AGPAT2: variants seen among roughly 807,000 people sequenced by gnomAD.
AGPAT2 encodes the protein 1-acyl-sn-glycerol-3-phosphate acyltransferase beta.
Under a neutral mutation model 26.1 loss-of-function variants are expected in AGPAT2, and 18 were observed. The observed-to-expected ratio is 0.69, with a 90% CI of 0.48 to 1.02. The LOEUF (loss-of-function observed/expected upper bound fraction) is 1.02, where lower values mean the gene tolerates loss of function less well. Among genes scored for constraint, AGPAT2 ranks in the 50% least tolerant of loss-of-function variants. The pLI is 0.00. For missense variants in AGPAT2, 415 were observed against 394.9 expected, an observed-to-expected ratio of 1.05 and a Z score of -0.43; for synonymous variants, 200 against 174.2, an observed-to-expected ratio of 1.15 and a Z score of -1.16.
At chr9:136,676,469 G>A in intron 4 of AGPAT2, 116 bp downstream of exon 4, 1 of 784,486 alleles carries the variant, frequency 1.3e-6, no homozygotes. Context: ...TCAGTGGGAG[G>A]AGTCCCTTGT....
At chr9:136,677,590 C>G in intron 1 of AGPAT2, 34 bp from the exon 2 acceptor site, 1 of 1,612,518 alleles carries the variant, frequency 6.2e-7, no homozygotes, top group South Asian at 1.1e-5. Flanking sequence ...ACGGGTCCCA[C>G]AGATCCCGCA....
intron 5 of AGPAT2, 141 bp from the exon 6 acceptor site, chr9:136,674,068 A>G: frequency 1.3e-6 from 1 of 784,298 alleles, no homozygotes; most frequent in South Asian, 2.3e-5. Flanking sequence ...TGGACTCCCT[A>G]GCCGTGGTGG....
Position 136,687,199 on chromosome 9 carries a change from G to A in AGPAT2, c.159C>T (p.Gly53=). Reference sequence around the variant, plus strand: ...GCCTCATGTTCTCCACCGTCCGGCCGCCGTGGCGCAGCAGGCAGACGAGCG... The same window carrying A: ...GCCTCATGTTCTCCACCGTCCGGCCACCGTGGCGCAGCAGGCAGACGAGCG... ...VASLVCLLRH[G]GRTVENMSII... Residue 53 remains glycine, a synonymous_variant, in exon 1 of 6, where the codon GGC becomes GGT. Transcript: ENST00000371696. The A allele has an allele frequency of 2.5e-6, 4 of 1,587,922 alleles. No homozygotes were observed. The highest frequency in any genetic ancestry group is 3.4e-6 in the Non-Finnish European group (4 of 1,172,206).
chr9:136,683,038 C>T (rs1564294447), intron 1 of AGPAT2, among the ~76,000 whole-genome samples: 2 of 93,148 alleles, frequency 2.1e-5, no homozygotes, highest in African/African-American at 8.5e-5. Context: ...CCTCCACCAA[C>T]AGTGGCTGTG....
In AGPAT2 at chr9:136,677,474, C is replaced by T; in HGVS notation, c.265G>A (p.Ala89Thr). Reference protein sequence around the residue: ...EVRDPRRLQEARPCVIVSNHQ... With the variant: ...EVRDPRRLQETRPCVIVSNHQ... ...TTGGAGACGATGACACAGGGACGGG[C>T]CTCCTGCAGCCTGCGCGGGTCCCGC... The change falls in exon 2 of 6, where the codon GCC becomes ACC. Residue 89 changes from alanine to threonine, a missense_variant. Coordinates refer to ENST00000371696, the MANE Select transcript of AGPAT2 (RefSeq NM_006412.4). The T allele has an allele frequency of 6.2e-7, 1 of 1,613,072 alleles. No individual in the cohort carries two copies. Among genetic ancestry groups the T allele is most frequent in the Non-Finnish European group, 8.5e-7 (1 of 1,179,948 alleles).
rs761378691 is a variant in AGPAT2 at position 136,687,179 on chromosome 9, A to G, written c.179T>C (p.Met60Thr). The change falls in exon 1 of 6, where the codon ATG becomes ACG. Residue 60 changes from methionine (M) to threonine (T), a missense_variant. Transcript: ENST00000371696. Reference sequence around the variant, plus strand: ...TCCCGGCGGCCCCCGGCCTTGCCTCATGTTCTCCACCGTCCGGCCGCCGTG... The same window carrying G: ...TCCCGGCGGCCCCCGGCCTTGCCTCGTGTTCTCCACCGTCCGGCCGCCGTG... Reference protein sequence around the residue: ...LRHGGRTVENMSIIGWFVRSF... With the variant: ...LRHGGRTVENTSIIGWFVRSF... 1.3e-6 allele frequency: 2 copies of G among 1,587,924 alleles called. No individual in the cohort carries two copies. Among genetic ancestry groups the G allele is most frequent in the Non-Finnish European group, 1.7e-6 (2 of 1,172,238 alleles).
chr9:136,681,914 A>G (rs1212211557), intron 1 of AGPAT2, among the ~76,000 whole-genome samples: 2 of 152,122 alleles, frequency 1.3e-5, no homozygotes, highest in Admixed American at 1.3e-4. Flanking sequence ...ATCGCCTTCT[A>G]AGCACAGAGG....
chr9:136,673,675 GA>G lies in AGPAT2; in HGVS notation c.*76del. ...GGACAGAGTGGTATTTGGAAGCCGGGAGGAGTCCCCTCTGCCCATCCTCCAG... is the reference window on the plus strand; with the variant it reads ...GGACAGAGTGGTATTTGGAAGCCGGGGGAGTCCCCTCTGCCCATCCTCCAG... On this transcript the variant is annotated 3_prime_UTR_variant, in exon 6 of 6. Coordinates refer to ENST00000371696, the MANE Select transcript of AGPAT2 (RefSeq NM_006412.4). 7.0e-7 allele frequency: 1 copy of G among 1,419,382 alleles called. No homozygotes were observed. The allele number at this position is 1,419,382 out of a possible 1,614,324, so 87.9% of individuals were successfully genotyped here.
intron 4 of AGPAT2, among the ~76,000 whole-genome samples, chr9:136,675,835 C>A (rs1345934261): frequency 6.7e-6 from 1 of 149,730 alleles, no homozygotes; most frequent in East Asian, 1.9e-4. Context: ...CCCCAGGCCT[C>A]ACGGCCTTAG....
rs1260518080 is a variant in AGPAT2 at position 136,687,290 on chromosome 9, G to A, written c.68C>T (p.Ala23Val). 4.4e-6 allele frequency: 7 copies of A among 1,583,688 alleles called. No individual in the cohort carries two copies. Among genetic ancestry groups the A allele is most frequent in the African/African-American group, 2.8e-5 (2 of 71,404 alleles). ...GGCGACCTTGGCGTAGAACTCGGCC[G>A]CGCGGCTCAGCTGCACCAGCAGCAG... ...LLLLLVQLSR[A>V]AEFYAKVALY... The change falls in exon 1 of 6, where the codon GCG becomes GTG. Residue 23 changes from alanine (A) to valine (V), a missense_variant. Ala to Val is a moderately conservative substitution (Grantham distance 64). Transcript: ENST00000371696.
At chr9:136,682,775 C>T (rs1015298931) in intron 1 of AGPAT2, among the ~76,000 whole-genome samples, 1 of 152,130 alleles carries the variant, frequency 6.6e-6, no homozygotes, top group African/African-American at 2.4e-5. Context: ...TGGCCTCGAG[C>T]GAAGCCCCGT....
At chr9:136,684,937 T>C (rs1846203787) in intron 1 of AGPAT2, among the ~76,000 whole-genome samples, 1 of 152,196 alleles carries the variant, frequency 6.6e-6, no homozygotes, top group Non-Finnish European at 1.5e-5. Flanking sequence ...ACAAAGCGCC[T>C]GCTCTTCATC....
Position 136,687,354 on chromosome 9 carries a change from C to T in AGPAT2, c.4G>A (p.Glu2Lys). 1 of 1,506,364 alleles carries T rather than the reference C, an allele frequency of 6.6e-7. No individual in the cohort carries two copies. Among genetic ancestry groups the T allele is most frequent in the South Asian group, 1.2e-5 (1 of 80,592 alleles). 93.3% of individuals were successfully genotyped at this position (1,506,364 alleles called of 1,614,324 possible). M[E>K]LWPCLAAALL... ...GCCGCGGCCAGACACGGCCACAGCT[C>T]CATGGCCCGGCCCGGCGCCCGACGG... The change falls in exon 1 of 6, where the codon GAG becomes AAG. Residue 2 changes from glutamate (E) to lysine (K), a missense_variant. Transcript: ENST00000371696.
chr9:136,678,519 G>C (rs371730750), intron 1 of AGPAT2, among the ~76,000 whole-genome samples: 2 of 152,182 alleles, frequency 1.3e-5, no homozygotes, highest in South Asian at 4.1e-4. Context: ...GCTCCAGCAG[G>C]GGTGGATGGC....
At chr9:136,678,198 C>T (rs1470592508) in intron 1 of AGPAT2, among the ~76,000 whole-genome samples, 1 of 152,170 alleles carries the variant, frequency 6.6e-6, no homozygotes, top group Non-Finnish European at 1.5e-5. Context: ...GAGGTCACAC[C>T]AGGAGCAGCA....
Position 136,673,661 on chromosome 9 carries a change from T to C in AGPAT2, c.*91A>G, listed in dbSNP as rs1846041788. The C allele has an allele frequency of 1.9e-5, 25 of 1,349,524 alleles. No individual in the cohort carries two copies. The highest frequency in any genetic ancestry group is 2.5e-5 in the Non-Finnish European group (25 of 1,008,834). The allele number at this position is 1,349,524 out of a possible 1,614,324, so 83.6% of individuals were successfully genotyped here. Reference sequence around the variant, plus strand: ...GAGCTGGGGGAGCCGGACAGAGTGGTATTTGGAAGCCGGGAGGAGTCCCCT... The same window carrying C: ...GAGCTGGGGGAGCCGGACAGAGTGGCATTTGGAAGCCGGGAGGAGTCCCCT... On this transcript the variant is annotated 3_prime_UTR_variant, in exon 6 of 6. Coordinates refer to ENST00000371696, the MANE Select transcript of AGPAT2 (RefSeq NM_006412.4).
chr9:136,687,144 CCCCGGCCCCT>C, intron 1 of AGPAT2, 22 bp downstream of exon 1: 1 of 1,566,126 alleles, frequency 6.4e-7, no homozygotes, highest in Middle Eastern at 1.8e-4. Context: ...CGCGGCGGTT[CCCCGGCCCCT>C]CCCGGCGGCC....
chr9:136,679,592 C>T (rs1777797181), intron 1 of AGPAT2, among the ~76,000 whole-genome samples: 1 of 152,194 alleles, frequency 6.6e-6, no homozygotes, highest in South Asian at 2.1e-4. Context: ...GCTTCCCGGA[C>T]CCCTGTGACG....
chr9:136,676,913 CGCCCAGG>C, intron 3 of AGPAT2, 41 bp downstream of exon 3: 3 of 1,494,610 alleles, frequency 2.0e-6, no homozygotes, highest in Non-Finnish European at 2.8e-6. Context: ...TGCCTGGCCC[CGCCCAGG>C]CCCCACCCCA....
Sources: allele counts gnomAD v4.1 joint callset (sites outside exome capture counted in the v4.1 genomes callset), GRCh38; gene constraint gnomAD v4.1.1; transcripts MANE v1.5; gene names NCBI Gene and HGNC (gene_info 2026-07-23, HGNC 2026-07-21).